The following RARB variants were observed in gnomAD, a reference collection of about 807,000 sequenced individuals.
The protein encoded by RARB is HBV-activated protein.
A neutral mutation model predicts 51.9 loss-of-function variants in RARB; 17 were observed. The observed-to-expected ratio is 0.33, with a 90% CI of 0.22 to 0.49. The LOEUF (loss-of-function observed/expected upper bound fraction) is 0.49. Among genes scored for constraint, RARB ranks in the 20% least tolerant of loss-of-function variants. The pLI is 0.99. For synonymous variants in RARB, 215 were observed against 195.4 expected, an observed-to-expected ratio of 1.10 and a Z score of -0.84; for missense variants, 369 against 550.8, an observed-to-expected ratio of 0.67 and a Z score of 3.30.
chr3:24,834,554 A>C (rs577703272), intron 1 of RARB, among the ~76,000 whole-genome samples: 84 of 152,322 alleles, frequency 5.5e-4, no homozygotes, highest in African/African-American at 2.0e-3. Context: ...TTCTGAGCAT[A>C]ACCGGCATCC....
chr3:25,293,027 T>C (rs189616492), intron 5 of RARB, among the ~76,000 whole-genome samples: 1 of 152,296 alleles, frequency 6.6e-6, no homozygotes, highest in Admixed American at 6.5e-5. Flanking sequence ...TGTGTGTTAT[T>C]TTTAATTTTT....
intron 2 of RARB, among the ~76,000 whole-genome samples, chr3:24,902,598 A>G (rs1703631918): frequency 6.6e-6 from 1 of 152,186 alleles, no homozygotes; most frequent in Non-Finnish European, 1.5e-5. Context: ...ACCGAGGATG[A>G]TGAGACTGCT....
At chr3:24,860,256 C>G (rs1448432653) in intron 2 of RARB, among the ~76,000 whole-genome samples, 2 of 152,112 alleles carry the variant, frequency 1.3e-5, no homozygotes, top group Admixed American at 1.3e-4. Context: ...GGTGTTGATT[C>G]TGATTGTTCT....
chr3:25,100,345 A>G, intron 3 of RARB, among the ~76,000 whole-genome samples: 1 of 152,208 alleles, frequency 6.6e-6, no homozygotes, highest in East Asian at 1.9e-4. Flanking sequence ...ACTGTAATCT[A>G]AATAACAAGA....
At chr3:25,300,065 T>C (rs1310139976) in intron 5 of RARB, among the ~76,000 whole-genome samples, 2 of 152,256 alleles carry the variant, frequency 1.3e-5, no homozygotes, top group Non-Finnish European at 2.9e-5. Flanking sequence ...TCGTAGTTTA[T>C]ACCTTTGTAA....
chr3:25,214,872 C>A (rs1304621908), intron 5 of RARB, among the ~76,000 whole-genome samples: 1 of 152,308 alleles, frequency 6.6e-6, no homozygotes, highest in Non-Finnish European at 1.5e-5. Context: ...GACCTATGAC[C>A]TTCACCCATC....
At chr3:25,217,240 T>G (rs66483133) in intron 5 of RARB, among the ~76,000 whole-genome samples, 15,888 of 152,254 alleles carry the variant, frequency 0.1, 905 homozygotes, top group Non-Finnish European at 0.13. Context: ...TGTTTAAGTA[T>G]TTAATTTTAC....
At chr3:24,979,490 A>G (rs1696593924) in intron 2 of RARB, among the ~76,000 whole-genome samples, 2 of 152,102 alleles carry the variant, frequency 1.3e-5, no homozygotes, top group East Asian at 3.8e-4. Context: ...ACCATTATGT[A>G]ATAGTCTTCT....
intron 2 of RARB, among the ~76,000 whole-genome samples, chr3:24,947,260 G>C (rs1029320362): frequency 1.3e-5 from 2 of 152,190 alleles, no homozygotes; most frequent in African/African-American, 4.8e-5. Context: ...ACTGGGAAAA[G>C]TCATACGTGA....
intron 3 of RARB, among the ~76,000 whole-genome samples, chr3:25,129,596 A>G (rs1446310356): frequency 2.0e-5 from 3 of 152,110 alleles, no homozygotes; most frequent in South Asian, 2.1e-4. Context: ...TTTATCTTCA[A>G]TAAGCATAAA....
At chr3:24,957,307 T>A (rs1469255706) in intron 2 of RARB, among the ~76,000 whole-genome samples, 1 of 152,186 alleles carries the variant, frequency 6.6e-6, no homozygotes, top group Non-Finnish European at 1.5e-5. Flanking sequence ...CCCAAAGTAT[T>A]TTGTCCTTCC....
intron 2 of RARB, among the ~76,000 whole-genome samples, chr3:25,022,359 C>G (rs1281890749): frequency 6.6e-6 from 1 of 152,124 alleles, no homozygotes; most frequent in Non-Finnish European, 1.5e-5. Context: ...TGTTGACTTT[C>G]TTTGCTCAAC....
At chr3:25,429,147 T>A (rs1708101923) in intron 1 of RARB, among the ~76,000 whole-genome samples, 1 of 152,138 alleles carries the variant, frequency 6.6e-6, no homozygotes, top group Non-Finnish European at 1.5e-5. Context: ...AAACAGTTTT[T>A]AAAATATGCA....
intron 5 of RARB, among the ~76,000 whole-genome samples, chr3:25,205,788 G>A (rs1320387344): frequency 6.6e-6 from 1 of 151,310 alleles, no homozygotes; most frequent in Non-Finnish European, 1.5e-5. Context: ...TGTTGCCCTA[G>A]CTGGAGTGCA....
chr3:24,901,147 A>G (rs548105516), intron 2 of RARB, among the ~76,000 whole-genome samples: 1 of 152,346 alleles, frequency 6.6e-6, no homozygotes, highest in Non-Finnish European at 1.5e-5. Context: ...CATTAAAAAG[A>G]AAGAACAGTG....
At chr3:25,522,346 A>G (rs1698438274) in intron 3 of RARB, among the ~76,000 whole-genome samples, 1 of 152,132 alleles carries the variant, frequency 6.6e-6, no homozygotes, top group South Asian at 2.1e-4. Context: ...ACCTTTCGGT[A>G]GGCGCAGGGG....
At chr3:25,224,421 A>C (rs1350488318) in intron 5 of RARB, among the ~76,000 whole-genome samples, 1 of 152,164 alleles carries the variant, frequency 6.6e-6, no homozygotes, top group Non-Finnish European at 1.5e-5. Flanking sequence ...ACAAATAAAG[A>C]ACAAATTCTG....
At chr3:25,315,874 C>T (rs1704411322) in intron 5 of RARB, among the ~76,000 whole-genome samples, 1 of 152,110 alleles carries the variant, frequency 6.6e-6, no homozygotes, top group South Asian at 2.1e-4. Flanking sequence ...CCGCCTCAGC[C>T]TCCCAAAGTT....
intron 2 of RARB, among the ~76,000 whole-genome samples, chr3:25,003,108 T>G (rs1575114021): frequency 6.6e-6 from 1 of 152,008 alleles, no homozygotes; most frequent in East Asian, 1.9e-4. Context: ...TCCTTGATCT[T>G]GATCCTCATA....
Sources: gnomAD v4.1 joint callset for allele counts (sites outside exome capture counted in the v4.1 genomes callset) on GRCh38, gnomAD v4.1.1 for gene constraint, MANE v1.5 for transcripts, NCBI Gene and HGNC (gene_info 2026-07-23, HGNC 2026-07-21) for gene names.